The following AGAP1 variants were observed in gnomAD, a reference collection of about 807,000 sequenced individuals.
AGAP1 encodes arf-GAP with GTPase, ANK repeat and PH domain-containing protein 1.
Under a neutral mutation model 105.3 loss-of-function variants are expected in AGAP1, and 29 were observed. The observed-to-expected ratio is 0.28, with a 90% CI of 0.21 to 0.38. AGAP1 has a LOEUF of 0.38. AGAP1 is among the 10% of genes least tolerant of loss of function. The pLI is 1.00. For missense variants in AGAP1, 998 were observed against 1,165.1 expected (o/e 0.86, Z 2.09); for synonymous variants, 509 against 485.9 (o/e 1.05, Z -0.63).
At chr2:236,029,805 C>T (rs1199877669) in intron 13 of AGAP1, among the ~76,000 whole-genome samples, 1 of 151,902 alleles carries the variant, frequency 6.6e-6, no homozygotes, top group Non-Finnish European at 1.5e-5. Flanking sequence ...TTGGTGTGGT[C>T]ACAGCTCACT....
rs2057381157 is a variant in AGAP1 at position 236,036,338 on chromosome 2, C to T, written c.1646-223C>T. Among the ~76,000 whole-genome samples the T allele has an allele frequency of 6.6e-6, 1 of 152,206 alleles. No homozygotes were observed. Among genetic ancestry groups the T allele is most frequent in the Admixed American group, 6.5e-5 (1 of 15,286 alleles). On this transcript the variant is annotated intron_variant, in intron 13 of 17. Coordinates refer to ENST00000304032, the MANE Select transcript of AGAP1 (RefSeq NM_001037131.3). The surrounding 1 kb of genome is among the most constrained non-coding windows in gnomAD (Gnocchi z 5.7). Reference sequence around the variant, plus strand: ...TTTCATCTGGCCTTGTGCCCTGAGCCTTGATTGAAACCTGGCTAAGTCATG... The same window carrying T: ...TTTCATCTGGCCTTGTGCCCTGAGCTTTGATTGAAACCTGGCTAAGTCATG...
At chr2:235,509,909 C>A (rs1941999628) in intron 1 of AGAP1, among the ~76,000 whole-genome samples, 1 of 152,074 alleles carries the variant, frequency 6.6e-6, no homozygotes, top group South Asian at 2.1e-4. Flanking sequence ...TGTGTTACCC[C>A]CTGAGCTCCA....
intron 1 of AGAP1, among the ~76,000 whole-genome samples, chr2:235,606,051 A>C (rs1413803955): frequency 6.6e-6 from 1 of 152,222 alleles, no homozygotes; most frequent in East Asian, 1.9e-4. Context: ...AAACAAGCAA[A>C]CATGTTTATA....
Position 235,865,907 on chromosome 2 carries a change from G to A in AGAP1, c.1051-17438G>A, listed in dbSNP as rs990052802. Among the ~76,000 whole-genome samples, 1 of 152,148 alleles carries A rather than the reference G, an allele frequency of 6.6e-6. No individual in the cohort carries two copies. Among genetic ancestry groups the A allele is most frequent in the South Asian group, 2.1e-4 (1 of 4,828 alleles). On this transcript the variant is annotated intron_variant, in intron 9 of 17. Transcript: ENST00000304032. This position sits in a 1 kb window ranked among gnomAD's most constrained non-coding sequence, Gnocchi z 6.2. The stretch of plus-strand genomic sequence containing the variant: ...AGGACTGGGGAAAGCCAGTTAATTG[G>A]GATGTGTTTTTGCACACAACGAATG...
chr2:235,702,487 A>G lies in AGAP1; in HGVS notation c.164-6692A>G, dbSNP rs539681886. On this transcript the variant is annotated intron_variant, in intron 1 of 17. Coordinates refer to ENST00000304032, the MANE Select transcript of AGAP1 (RefSeq NM_001037131.3). ...CTCATCTCAGGTCCAGAATCCTCTG[A>G]AAGTTCTCTTCCTTGACCATAGTCC... 1.9e-3 allele frequency among the ~76,000 whole-genome samples: 288 copies of G among 152,268 alleles called. 3 individuals are homozygous for G. The highest frequency in any genetic ancestry group is 6.7e-3 in the African/African-American group (277 of 41,540).
chr2:236,068,515 C>G (rs1156778003), intron 16 of AGAP1, among the ~76,000 whole-genome samples: 1 of 151,848 alleles, frequency 6.6e-6, no homozygotes, highest in Non-Finnish European at 1.5e-5. Context: ...TAACATTTAT[C>G]CTAGGCCGGG....
intron 1 of AGAP1, among the ~76,000 whole-genome samples, chr2:235,502,790 T>C (rs1208388787): frequency 2.0e-5 from 3 of 151,492 alleles, no homozygotes; most frequent in South Asian, 2.1e-4. Context: ...TCACAAATGA[T>C]TTATGTTTGG....
At chr2:235,814,649 C>T (rs1249706214) in intron 9 of AGAP1, among the ~76,000 whole-genome samples, 1 of 152,030 alleles carries the variant, frequency 6.6e-6, no homozygotes, top group African/African-American at 2.4e-5. Context: ...GGTGTCACGC[C>T]AAGGAGTGGT....
intron 1 of AGAP1, among the ~76,000 whole-genome samples, chr2:235,624,903 G>T (rs1036783952): frequency 2.0e-5 from 3 of 151,824 alleles, no homozygotes; most frequent in African/African-American, 7.3e-5. Context: ...CCCACTCCCC[G>T]ACCCCTCTAC....
rs1488973863 is a variant in AGAP1, at chr2:235,864,645, A to G, written c.1051-18700A>G. On this transcript the variant is annotated intron_variant, in intron 9 of 17. Coordinates refer to ENST00000304032, the MANE Select transcript of AGAP1 (RefSeq NM_001037131.3). This position sits in a 1 kb window ranked among gnomAD's most constrained non-coding sequence, Gnocchi z 5.0. The stretch of plus-strand genomic sequence containing the variant: ...CCTGAAAATCTTGTGACAGGGAGAG[A>G]CAGAGTGAAAGGAAAGAAAAACGAG... Among the ~76,000 whole-genome samples, 1 of 152,216 alleles carries G rather than the reference A, an allele frequency of 6.6e-6. No individual in the cohort carries two copies. The highest frequency in any genetic ancestry group is 1.5e-5 in the Non-Finnish European group (1 of 68,042).
At chr2:235,668,812 A>G (rs1948216831) in intron 1 of AGAP1, among the ~76,000 whole-genome samples, 1 of 152,222 alleles carries the variant, frequency 6.6e-6, no homozygotes, top group Non-Finnish European at 1.5e-5. Flanking sequence ...AACCAATTTA[A>G]TCTTCACAGG....
In AGAP1 at chr2:236,044,883, G is replaced by A. The variant is rs78998570; in HGVS notation, c.1891+4042G>A. Among the ~76,000 whole-genome samples the A allele has an allele frequency of 8.4e-3, 1,276 of 152,174 alleles. 30 individuals carry two copies. The highest frequency in any genetic ancestry group is 0.068 in the East Asian group (351 of 5,140). ...TTTTCTGGTTTGGGCGGGGGCAGGG[G>A]CGGGTTGAGATGGGGTCTCGCCCTA... On this transcript the variant is annotated intron_variant, in intron 15 of 17. Coordinates refer to ENST00000304032, the MANE Select transcript of AGAP1 (RefSeq NM_001037131.3). The surrounding 1 kb of genome is among the most constrained non-coding windows in gnomAD (Gnocchi z 5.7).
chr2:235,686,918 C>T (rs1949481292), intron 1 of AGAP1, among the ~76,000 whole-genome samples: 1 of 151,344 alleles, frequency 6.6e-6, no homozygotes, highest in Admixed American at 6.6e-5. Flanking sequence ...CCTGTCTCTG[C>T]CTCCCAAATG....
At chr2:235,676,006 G>C (rs1055187110) in intron 1 of AGAP1, among the ~76,000 whole-genome samples, 3 of 152,222 alleles carry the variant, frequency 2.0e-5, no homozygotes, top group African/African-American at 7.2e-5. Flanking sequence ...GGAGCTGTAA[G>C]ACCCAATTAT....
chr2:236,071,146 C>T (rs986948342), intron 16 of AGAP1, among the ~76,000 whole-genome samples: 7 of 152,196 alleles, frequency 4.6e-5, no homozygotes, highest in African/African-American at 1.4e-4. Flanking sequence ...TGGAGGGCAG[C>T]GCTGGTTCAT....
chr2:235,906,867 G>C lies in AGAP1; in HGVS notation c.1156-1871G>C, dbSNP rs2051330883. ...CCTTCACAAGTGTGGGTGTTGCCCT[G>C]CAATTAAAAGGTGGACTGCTTGCCT... On this transcript the variant is annotated intron_variant, in intron 10 of 17. Transcript: ENST00000304032. This position sits in a 1 kb window ranked among gnomAD's most constrained non-coding sequence, Gnocchi z 5.3. Among the ~76,000 whole-genome samples the C allele has an allele frequency of 6.6e-6, 1 of 151,088 alleles. No homozygotes were observed. The highest frequency in any genetic ancestry group is 1.5e-5 in the Non-Finnish European group (1 of 68,022).
At chr2:235,704,999 G>C (rs1247614503) in intron 1 of AGAP1, among the ~76,000 whole-genome samples, 1 of 71,816 alleles carries the variant, frequency 1.4e-5, no homozygotes, top group African/African-American at 4.9e-5. Context: ...TTTTTTTTGC[G>C]ACAGAGTCTC....
At chr2:235,512,096 T>TGTGA (rs1553555073) in intron 1 of AGAP1, among the ~76,000 whole-genome samples, 3 of 8,564 alleles carry the variant, frequency 3.5e-4, no homozygotes, top group Middle Eastern at 0.062. Flanking sequence ...TGAATGTGTG[T>TGTGA]GTGTGTGAAT....
intron 13 of AGAP1, among the ~76,000 whole-genome samples, chr2:236,024,040 T>TGA (rs2056974013): frequency 6.8e-6 from 1 of 147,104 alleles, no homozygotes. Context: ...TTTTGTTTTT[T>TGA]TTTTTTTTTG....
Sources: gnomAD v4.1 joint callset for allele counts (sites outside exome capture counted in the v4.1 genomes callset) on GRCh38, gnomAD v4.1.1 for gene constraint, Gnocchi (gnomAD v3.1) non-coding constraint, MANE v1.5 for transcripts, NCBI Gene and HGNC (gene_info 2026-07-23, HGNC 2026-07-21) for gene names.